Variants in ANXA11 observed in about 807,000 individuals in gnomAD.
The protein encoded by ANXA11 is annexin A11, also known as 56 kDa autoantigen.
Under a neutral mutation model 64.7 loss-of-function variants are expected in ANXA11, and 57 were observed. That is an observed-to-expected ratio of 0.88 (90% CI 0.71 to 1.10). The LOEUF (loss-of-function observed/expected upper bound fraction) is 1.10, where lower values mean the gene tolerates loss of function less well. ANXA11 is among the 50% of genes least tolerant of loss of function. The pLI, the probability that ANXA11 is intolerant of heterozygous loss-of-function variation, is 0.00. For synonymous variants in ANXA11, 260 were observed against 265.2 expected (o/e 0.98, Z 0.19); for missense variants, 675 against 670.7 (o/e 1.01, Z -0.07).
chr10:80,183,110 C>T (rs548193901), intron 1 of ANXA11, among the ~76,000 whole-genome samples: 2 of 152,300 alleles, frequency 1.3e-5, no homozygotes, highest in African/African-American at 2.4e-5. Context: ...TGGCTCACGA[C>T]CTCCACACAG....
At chr10:80,176,490 G>C (rs1301786325) in intron 1 of ANXA11, among the ~76,000 whole-genome samples, 2 of 152,228 alleles carry the variant, frequency 1.3e-5, no homozygotes, top group African/African-American at 2.4e-5. Flanking sequence ...GGTGGGGCTA[G>C]AAAATGAGGC....
chr10:80,179,869 C>A (rs1316452179), intron 1 of ANXA11, among the ~76,000 whole-genome samples: 1 of 152,214 alleles, frequency 6.6e-6, no homozygotes, highest in East Asian at 1.9e-4. Context: ...TAAGTCCCCT[C>A]AATAAGCCCT....
At chr10:80,180,526 C>G (rs1235418605) in intron 1 of ANXA11, among the ~76,000 whole-genome samples, 3 of 152,188 alleles carry the variant, frequency 2.0e-5, no homozygotes, top group African/African-American at 7.2e-5. Context: ...GTGACACCCC[C>G]TGCCCCTCAG....
chr10:80,166,154 T>C lies in ANXA11; in HGVS notation c.788A>G (p.Glu263Gly), dbSNP rs1389856017. Residue 263 changes from glutamate to glycine, a missense_variant, in exon 8 of 16, where the codon GAG becomes GGG. By Grantham distance (98) the Glu-to-Gly change is moderately conservative (BLOSUM62 -2). Coordinates refer to ENST00000422982, the MANE Select transcript of ANXA11 (RefSeq NM_145868.2). ...CTTCATCAGAGCCAAGATTGTCTTC[T>C]CAAAGTTTCCTGACAGTTCAGATTT... is the stretch of plus-strand genomic sequence containing the variant. ...DLKSELSGNF[E>G]KTILALMKTP... is the part of the protein sequence containing the mutation. 6.2e-7 allele frequency: 1 copy of C among 1,613,486 alleles called. No individual in the cohort carries two copies. The highest frequency in any genetic ancestry group is 8.5e-7 in the Non-Finnish European group (1 of 1,179,644).
chr10:80,157,736 T>C lies in ANXA11; in HGVS notation c.1363A>G (p.Ile455Val), dbSNP rs2132358350. 2 of 1,613,958 alleles carry C rather than the reference T, an allele frequency of 1.2e-6. No homozygotes were observed. Among genetic ancestry groups the C allele is most frequent in the Non-Finnish European group, 1.7e-6 (2 of 1,179,936 alleles). ...TCGCTGCGAGACACCATGATGCGAA[T>C]CAGGGTCCGGTCCTTTGTTCCTGCC... ...RGAGTKDRTL[I>V]RIMVSRSETD... The change falls in exon 15 of 16, where the codon ATT (isoleucine) becomes GTT (valine). Residue 455 changes from isoleucine to valine, a missense_variant. By Grantham distance (29) the Ile-to-Val change is conservative. Coordinates refer to ENST00000422982, the MANE Select transcript of ANXA11 (RefSeq NM_145868.2).
intron 11 of ANXA11, among the ~76,000 whole-genome samples, chr10:80,162,633 C>A (rs1845558831): frequency 6.6e-6 from 1 of 152,206 alleles, no homozygotes; most frequent in Non-Finnish European, 1.5e-5. Context: ...AGTAGCTCTC[C>A]TCCAGCCCTA....
At chr10:80,166,040 G>GCACACACACACACACA (rs753895566) in intron 8 of ANXA11, 44 bp downstream of exon 8, 15 of 1,077,596 alleles carry the variant, frequency 1.4e-5, no homozygotes, top group Non-Finnish European at 1.8e-5. Context: ...GCACACACGC[G>GCACACACACACACACA]CGCACACACA....
Position 80,170,932 on chromosome 10 carries a change from G to A in ANXA11, c.56-17C>T. 1 of 1,579,254 alleles carries A rather than the reference G, an allele frequency of 6.3e-7. No individual in the cohort carries two copies. Among genetic ancestry groups the A allele is most frequent in the Non-Finnish European group, 8.6e-7 (1 of 1,162,942 alleles). ...GACCACCACCTGAAAGCAACACCAA[G>A]CCCTTTAGCCCCCTGCCAGTCCCCC... On this transcript the variant is annotated splice_polypyrimidine_tract_variant and intron_variant, in intron 3 of 15. Coordinates refer to ENST00000422982, the MANE Select transcript of ANXA11 (RefSeq NM_145868.2).
chr10:80,180,051 G>A (rs1199901921), intron 1 of ANXA11, among the ~76,000 whole-genome samples: 1 of 152,222 alleles, frequency 6.6e-6, no homozygotes, highest in East Asian at 1.9e-4. Context: ...CTCAGTGGCT[G>A]CAAAATGGCC....
chr10:80,158,823 T>C (rs988729634), intron 13 of ANXA11, among the ~76,000 whole-genome samples: 4 of 152,142 alleles, frequency 2.6e-5, no homozygotes, highest in East Asian at 3.9e-4. Context: ...GGGAGCGCAG[T>C]TGGATGCCCT....
At chr10:80,170,456 C>G (rs565398946) in intron 4 of ANXA11, among the ~76,000 whole-genome samples, 205 of 152,332 alleles carry the variant, frequency 1.3e-3, no homozygotes, top group Middle Eastern at 0.01. Context: ...CATGCACATG[C>G]AGGTATATGA....
intron 13 of ANXA11, among the ~76,000 whole-genome samples, chr10:80,158,728 C>T (rs762754132): frequency 3.3e-5 from 5 of 152,320 alleles, no homozygotes; most frequent in African/African-American, 7.2e-5. Flanking sequence ...AATCTTTCCA[C>T]GTGTTTCCAT....
intron 12 of ANXA11, among the ~76,000 whole-genome samples, chr10:80,159,855 C>A (rs1266358144): frequency 6.6e-6 from 1 of 152,224 alleles, no homozygotes; most frequent in Non-Finnish European, 1.5e-5. Context: ...ATCCTCCACA[C>A]CTCCAGTCTC....
At chr10:80,162,209 A>T (rs1353236677) in intron 11 of ANXA11, among the ~76,000 whole-genome samples, 181 bp from the exon 12 acceptor site, 3 of 152,164 alleles carry the variant, frequency 2.0e-5, no homozygotes, top group African/African-American at 7.2e-5. Flanking sequence ...CCTGAAAAAG[A>T]GCAGAAAGCA....
Position 80,152,571 on chromosome 10 carries a change from T to A in ANXA11, c.*3282A>T, listed in dbSNP as rs572804722. 6.6e-6 allele frequency: 1 copy of A among 152,472 alleles called. No homozygotes were observed. Among genetic ancestry groups the A allele is most frequent in the Non-Finnish European group, 1.5e-5 (1 of 68,250 alleles). The allele number at this position is 152,472 out of a possible 1,614,324, so 9.4% of individuals were successfully genotyped here. On this transcript the variant is annotated 3_prime_UTR_variant, in exon 16 of 16. Transcript: ENST00000422982. ...CATGCTGAGGTTCGAGGGGACTGGG[T>A]GGATGGGCGATAGCTGAAAGAAAAC...
intron 2 of ANXA11, 92 bp from the exon 3 acceptor site, chr10:80,172,961 C>T: frequency 1.9e-6 from 2 of 1,079,662 alleles, no homozygotes; most frequent in Non-Finnish European, 2.8e-6. Context: ...GCCACCACCA[C>T]AACTGGGACC....
intron 13 of ANXA11, among the ~76,000 whole-genome samples, chr10:80,158,874 C>T (rs765928258): frequency 1.3e-5 from 2 of 152,190 alleles, no homozygotes; most frequent in Non-Finnish European, 2.9e-5. Flanking sequence ...TCCAGAGCTG[C>T]ACCGCAAACA....
intron 1 of ANXA11, among the ~76,000 whole-genome samples, chr10:80,199,129 A>C (rs1157430142): frequency 7.1e-6 from 1 of 141,478 alleles, no homozygotes; most frequent in Non-Finnish European, 1.5e-5. Flanking sequence ...CCAAGTCTTG[A>C]TCTGTCGTCC....
chr10:80,163,949 G>A, intron 9 of ANXA11, 104 bp downstream of exon 9: 6 of 969,354 alleles, frequency 6.2e-6, no homozygotes, highest in Non-Finnish European at 6.2e-6. Flanking sequence ...TTGATAAGAA[G>A]GCCAGGAAGG....
Sources: allele counts gnomAD v4.1 joint callset (sites outside exome capture counted in the v4.1 genomes callset), GRCh38; gene constraint gnomAD v4.1.1; transcripts MANE v1.5; gene names NCBI Gene and HGNC (gene_info 2026-07-23, HGNC 2026-07-21).